The following ZNF407 variants were observed in gnomAD, a reference collection of about 807,000 sequenced individuals.
ZNF407 encodes the protein zinc finger protein 407.
ZNF407 carries 17 observed loss-of-function variants against 131.2 expected under a neutral mutation model. That is an observed-to-expected ratio of 0.13 (90% CI 0.09 to 0.19). The LOEUF (loss-of-function observed/expected upper bound fraction) is 0.19, where lower values mean the gene tolerates loss of function less well. Among genes scored for constraint, ZNF407 ranks in the 10% least tolerant of loss-of-function variants. ZNF407 has a pLI of 1.00. For missense variants in ZNF407, 2,681 were observed against 2,830.6 expected (o/e 0.95, Z 1.20); for synonymous variants, 1,156 against 1,062.0 (o/e 1.09, Z -1.72).
intron 4 of ZNF407, among the ~76,000 whole-genome samples, chr18:74,820,145 G>A (rs1344090691): frequency 6.6e-6 from 1 of 152,236 alleles, no homozygotes; most frequent in African/African-American, 2.4e-5. Context: ...TGTAAGGGAA[G>A]CAGTTGGAAG....
At chr18:74,820,787 C>G (rs1407307949) in intron 4 of ZNF407, among the ~76,000 whole-genome samples, 1 of 152,014 alleles carries the variant, frequency 6.6e-6, no homozygotes, top group Non-Finnish European at 1.5e-5. Flanking sequence ...GTCTTAGGAA[C>G]AGAAGTCTAT....
In ZNF407 at chr18:74,828,662, G is replaced by C. The variant is rs538968473; in HGVS notation, c.4877+47160G>C. 7.3e-5 allele frequency among the ~76,000 whole-genome samples: 10 copies of C among 137,814 alleles called. No individual in the cohort carries two copies. The South Asian group carries it at 2.3e-3, about 32-fold the overall frequency. The allele number at this position is 137,814 out of a possible 152,430, so 90.4% of individuals were successfully genotyped here. A position where few individuals can be genotyped will look rare whatever the true frequency, so the allele number is the denominator to read the frequency against. On this transcript the variant is annotated intron_variant, in intron 4 of 8. Coordinates refer to ENST00000299687, the MANE Select transcript of ZNF407 (RefSeq NM_017757.3). ...TAGAAGGTTCTGCTGATTCTACGCT[G>C]TTCCTGGTGTGTGCTAGAAAACCTT...
At chr18:74,766,519 T>G (rs1969237620) in intron 3 of ZNF407, among the ~76,000 whole-genome samples, 1 of 152,220 alleles carries the variant, frequency 6.6e-6, no homozygotes, top group Non-Finnish European at 1.5e-5. Context: ...TACTGGTATT[T>G]CTCTGCTGGC....
chr18:74,677,254 T>A (rs1219336246), intron 3 of ZNF407, among the ~76,000 whole-genome samples: 3 of 151,898 alleles, frequency 2.0e-5, no homozygotes, highest in Non-Finnish European at 4.4e-5. Context: ...GCACACCAGG[T>A]TAATTTCTGT....
chr18:74,645,316 T>G (rs1337070387), intron 3 of ZNF407, among the ~76,000 whole-genome samples: 1 of 152,078 alleles, frequency 6.6e-6, no homozygotes, highest in Non-Finnish European at 1.5e-5. Flanking sequence ...GGCCTGTGAT[T>G]TCAGTAAACC....
chr18:74,926,412 T>C (rs1011042630), intron 8 of ZNF407, among the ~76,000 whole-genome samples: 30 of 152,234 alleles, frequency 2.0e-4, no homozygotes, highest in Non-Finnish European at 2.9e-4. Context: ...ACATACTGTT[T>C]ACTGAGAAGC....
chr18:74,654,166 G>A (rs1985350142), intron 3 of ZNF407, among the ~76,000 whole-genome samples: 2 of 151,750 alleles, frequency 1.3e-5, no homozygotes, highest in Admixed American at 1.3e-4. Flanking sequence ...GTTATTGAAG[G>A]ACCATTTGAG....
At chr18:74,788,924 CTAT>C (rs1384127866) in intron 4 of ZNF407, among the ~76,000 whole-genome samples, 3 of 151,536 alleles carry the variant, frequency 2.0e-5, no homozygotes, top group African/African-American at 7.3e-5. Flanking sequence ...ACAAATAGAT[CTAT>C]TATTCCTGCT....
At chr18:74,982,827 C>G (rs1421858025) in intron 8 of ZNF407, among the ~76,000 whole-genome samples, 1 of 152,172 alleles carries the variant, frequency 6.6e-6, no homozygotes. Context: ...ACTGATAGGT[C>G]TTGTCATTTC....
At chr18:74,934,785 G>A (rs1013174637) in intron 8 of ZNF407, among the ~76,000 whole-genome samples, 1 of 152,196 alleles carries the variant, frequency 6.6e-6, no homozygotes, top group African/African-American at 2.4e-5. Flanking sequence ...CAGCCTGGGC[G>A]ACAGAGCGAG....
chr18:74,974,436 T>G (rs1972505724), intron 8 of ZNF407, among the ~76,000 whole-genome samples: 1 of 152,214 alleles, frequency 6.6e-6, no homozygotes, highest in Non-Finnish European at 1.5e-5. Flanking sequence ...AATTGGCTGT[T>G]TGTTTGAAGA....
intron 4 of ZNF407, among the ~76,000 whole-genome samples, chr18:74,805,314 TAAGTA>T (rs1970092707): frequency 6.6e-6 from 1 of 152,258 alleles, no homozygotes; most frequent in African/African-American, 2.4e-5. Flanking sequence ...GATTTAAGCC[TAAGTA>T]AATAATTGAA....
intron 4 of ZNF407, among the ~76,000 whole-genome samples, chr18:74,836,822 T>C (rs1272567520): frequency 1.3e-5 from 2 of 152,222 alleles, no homozygotes; most frequent in Admixed American, 6.5e-5. Context: ...GTGAAGTCAC[T>C]GTGGCTTGAC....
At chr18:74,892,467 G>T (rs1356811416) in intron 7 of ZNF407, among the ~76,000 whole-genome samples, 1 of 152,144 alleles carries the variant, frequency 6.6e-6, no homozygotes, top group Admixed American at 6.5e-5. Context: ...CTTGATGAGC[G>T]TCCGCCCTTG....
intron 7 of ZNF407, among the ~76,000 whole-genome samples, chr18:74,908,249 C>T (rs528839572): frequency 6.6e-5 from 10 of 152,100 alleles, no homozygotes; most frequent in African/African-American, 2.2e-4. Context: ...AGCATTTGGA[C>T]GTTGCTTTTT....
At chr18:74,747,161 TC>T (rs11319996) in intron 3 of ZNF407, among the ~76,000 whole-genome samples, 121,803 of 151,840 alleles carry the variant, frequency 0.8, 52,035 homozygotes, top group East Asian at 0.96. Context: ...AGTTTTTTTT[TC>T]ATTTAATTAT....
chr18:74,955,136 G>C lies in ZNF407; in HGVS notation c.5428+34444G>C, dbSNP rs367566897. ...AGGAGTTTGGAACCCTGAGGGTAGT[G>C]CTGAGGGGCCGTTTAGGGTCGTTTA... On this transcript the variant is annotated intron_variant, in intron 8 of 8. Coordinates refer to ENST00000299687, the MANE Select transcript of ZNF407 (RefSeq NM_017757.3). 7.9e-5 allele frequency among the ~76,000 whole-genome samples: 12 copies of C among 152,300 alleles called. No individual in the cohort carries two copies. In the East Asian group the frequency reaches 1.9e-3, roughly 25 times the overall value.
chr18:75,006,829 C>CT lies in ZNF407; in HGVS notation c.5429-56312dup, dbSNP rs201515138. On this transcript the variant is annotated intron_variant, in intron 8 of 8. Transcript: ENST00000299687. ...TTTTACTACAAGTGTGATTTTTTTT[C>CT]TTTTTTTTTCTTTGCTTCTTAATAG... Among the ~76,000 whole-genome samples the CT allele has an allele frequency of 8.1e-3, 1,222 of 150,862 alleles. 20 individuals are homozygous for CT. Among genetic ancestry groups the CT allele is most frequent in the African/African-American group, 0.028 (1,138 of 41,112 alleles).
At chr18:74,602,607 T>G (rs1982630404) in intron 1 of ZNF407, among the ~76,000 whole-genome samples, 2 of 152,164 alleles carry the variant, frequency 1.3e-5, no homozygotes, top group Admixed American at 1.3e-4. Flanking sequence ...TTGAGGTATA[T>G]ACTACATTTT....
Sources: gnomAD v4.1 joint callset for allele counts (sites outside exome capture counted in the v4.1 genomes callset) on GRCh38, gnomAD v4.1.1 for gene constraint, MANE v1.5 for transcripts, NCBI Gene and HGNC (gene_info 2026-07-23, HGNC 2026-07-21) for gene names.